Variants in SLC16A10 observed in about 807,000 individuals in gnomAD.
SLC16A10 encodes the protein monocarboxylate transporter 10.
Under a neutral mutation model 40.0 loss-of-function variants are expected in SLC16A10, and 27 were observed. The observed-to-expected ratio is 0.67, with a 90% CI of 0.50 to 0.93. The LOEUF (loss-of-function observed/expected upper bound fraction) is 0.93. Among genes scored for constraint, SLC16A10 ranks in the 40% least tolerant of loss-of-function variants. The pLI, the probability that SLC16A10 is intolerant of heterozygous loss-of-function variation, is 0.00. For synonymous variants in SLC16A10, 213 were observed against 249.8 expected (o/e 0.85, Z 1.39); for missense variants, 529 against 658.2 (o/e 0.80, Z 2.15).
chr6:111,128,984 ATTTTT>A (rs1771734629), intron 1 of SLC16A10, among the ~76,000 whole-genome samples: 1 of 127,558 alleles, frequency 7.8e-6, no homozygotes, highest in Non-Finnish European at 1.9e-5. Flanking sequence ...ATTTTTTCAT[ATTTTT>A]CATATTTCAT....
intron 3 of SLC16A10, among the ~76,000 whole-genome samples, chr6:111,179,894 GT>G (rs1415092060): frequency 6.6e-6 from 1 of 152,216 alleles, no homozygotes; most frequent in Non-Finnish European, 1.5e-5. Context: ...CTTTGGTTAT[GT>G]ACTGAGTTTG....
intron 4 of SLC16A10, among the ~76,000 whole-genome samples, chr6:111,210,968 A>G (rs1773337344): frequency 6.6e-6 from 1 of 151,402 alleles, no homozygotes; most frequent in Admixed American, 6.6e-5. Context: ...GGTTGCAGTG[A>G]GCCGAGATCG....
At chr6:111,121,196 T>C (rs888509226) in intron 1 of SLC16A10, among the ~76,000 whole-genome samples, 9 of 152,174 alleles carry the variant, frequency 5.9e-5, no homozygotes, top group African/African-American at 1.9e-4. Context: ...TTACTCCCTG[T>C]TGGAGGAATT....
chr6:111,203,221 A>T (rs111454560), intron 3 of SLC16A10, among the ~76,000 whole-genome samples: 2 of 152,194 alleles, frequency 1.3e-5, no homozygotes, highest in African/African-American at 4.8e-5. Context: ...AGCAGCAGTC[A>T]TGGACAGCCT....
chr6:111,227,140 A>G lies in SLC16A10; in HGVS notation c.*4905A>G, dbSNP rs1771014288. On this transcript the variant is annotated 3_prime_UTR_variant, in exon 6 of 6. Coordinates refer to ENST00000368851, the MANE Select transcript of SLC16A10 (RefSeq NM_018593.5). ...GACCTTGTCTACAAAAAGGAAAAAA[A>G]AATTTGTTCTGCTCTACTATACATG... The G allele has an allele frequency of 6.6e-6, 1 of 152,266 alleles. No individual in the cohort carries two copies. Among genetic ancestry groups the G allele is most frequent in the Non-Finnish European group, 1.5e-5 (1 of 68,078 alleles). The allele number at this position is 152,266 out of a possible 1,614,324, so 9.4% of individuals were successfully genotyped here.
chr6:111,146,676 G>T (rs1772084360), intron 1 of SLC16A10, among the ~76,000 whole-genome samples: 1 of 152,028 alleles, frequency 6.6e-6, no homozygotes, highest in Non-Finnish European at 1.5e-5. Flanking sequence ...GGCGGGGCTT[G>T]CAGTGAGCCG....
intron 1 of SLC16A10, among the ~76,000 whole-genome samples, chr6:111,119,153 T>C (rs1771540613): frequency 6.6e-6 from 1 of 152,228 alleles, no homozygotes; most frequent in African/African-American, 2.4e-5. Context: ...CCTCAGATCC[T>C]ATTTGGAGGT....
At chr6:111,145,367 C>T (rs539235742) in intron 1 of SLC16A10, among the ~76,000 whole-genome samples, 1 of 152,242 alleles carries the variant, frequency 6.6e-6, no homozygotes, top group South Asian at 2.1e-4. Flanking sequence ...CATCACTGCA[C>T]TCCAGCTTAG....
chr6:111,224,287 G>C lies in SLC16A10; in HGVS notation c.*2052G>C, dbSNP rs1770952251. On this transcript the variant is annotated 3_prime_UTR_variant, in exon 6 of 6. Coordinates refer to ENST00000368851, the MANE Select transcript of SLC16A10 (RefSeq NM_018593.5). ...ATGTTAAATTTTGTTTTAAGTTTTA[G>C]CACAGACTCCCCTCAAAACACCTTC... 6.6e-6 allele frequency: 1 copy of C among 152,160 alleles called. No individual in the cohort carries two copies. Among genetic ancestry groups the C allele is most frequent in the Non-Finnish European group, 1.5e-5 (1 of 68,032 alleles). The allele number at this position is 152,160 out of a possible 1,614,324, so 9.4% of individuals were successfully genotyped here.
At chr6:111,147,485 C>T (rs1035298875) in intron 1 of SLC16A10, among the ~76,000 whole-genome samples, 5 of 152,110 alleles carry the variant, frequency 3.3e-5, no homozygotes, top group African/African-American at 7.2e-5. Context: ...AAAATGTTTT[C>T]GTGTACGGTG....
chr6:111,129,222 C>A (rs1340375372), intron 1 of SLC16A10, among the ~76,000 whole-genome samples: 4 of 152,130 alleles, frequency 2.6e-5, no homozygotes, highest in Non-Finnish European at 4.4e-5. Context: ...TGTATTTGGA[C>A]CTTGGAGCAG....
chr6:111,227,469 TGA>T lies in SLC16A10; in HGVS notation c.*5237_*5238del, dbSNP rs1771022669. 6.6e-6 allele frequency: 1 copy of T among 152,182 alleles called. No individual in the cohort carries two copies. Among genetic ancestry groups the T allele is most frequent in the African/African-American group, 2.4e-5 (1 of 41,450 alleles). The allele number at this position is 152,182 out of a possible 1,614,324, so 9.4% of individuals were successfully genotyped here. On this transcript the variant is annotated 3_prime_UTR_variant, in exon 6 of 6. Transcript: ENST00000368851. ...GTGCATTTTATCAGATGACTCCTCC[TGA>T]GACAGTAAAGACTCCTGGAAAATTC...
intron 1 of SLC16A10, among the ~76,000 whole-genome samples, chr6:111,132,853 ACT>A (rs1478114306): frequency 6.6e-6 from 1 of 152,084 alleles, no homozygotes; most frequent in East Asian, 1.9e-4. Flanking sequence ...TGATAGGGAA[ACT>A]CTTGTAGAAG....
intron 1 of SLC16A10, among the ~76,000 whole-genome samples, chr6:111,172,490 A>G (rs1772603461): frequency 6.6e-6 from 1 of 152,238 alleles, no homozygotes; most frequent in Admixed American, 6.5e-5. Context: ...ATGATTATAA[A>G]ATAAATACCC....
chr6:111,201,369 C>T (rs1406334615), intron 3 of SLC16A10, among the ~76,000 whole-genome samples: 3 of 152,184 alleles, frequency 2.0e-5, no homozygotes, highest in Non-Finnish European at 4.4e-5. Context: ...GTCCCACAGT[C>T]TCTACTCCTC....
At chr6:111,155,754 T>C (rs552916728) in intron 1 of SLC16A10, among the ~76,000 whole-genome samples, 2 of 152,190 alleles carry the variant, frequency 1.3e-5, no homozygotes, top group Non-Finnish European at 2.9e-5. Context: ...ATACAGATGG[T>C]TACATGTGGA....
intron 1 of SLC16A10, among the ~76,000 whole-genome samples, chr6:111,163,340 G>C (rs1019103720): frequency 2.6e-5 from 4 of 151,126 alleles, no homozygotes; most frequent in African/African-American, 9.7e-5. Flanking sequence ...TTTTAGTAGA[G>C]ACGGGGTTTC....
intron 1 of SLC16A10, among the ~76,000 whole-genome samples, chr6:111,094,728 TC>T: frequency 6.6e-6 from 1 of 152,172 alleles, no homozygotes; most frequent in East Asian, 1.9e-4. Context: ...GCCTCAAACT[TC>T]TAAGCTCAAG....
intron 1 of SLC16A10, among the ~76,000 whole-genome samples, chr6:111,160,728 C>T (rs1772355094): frequency 6.6e-6 from 1 of 152,190 alleles, no homozygotes; most frequent in Non-Finnish European, 1.5e-5. Context: ...GAACAACTCT[C>T]AGCATTAAGG....
Sources: gnomAD v4.1 joint callset for allele counts (sites outside exome capture counted in the v4.1 genomes callset) on GRCh38, gnomAD v4.1.1 for gene constraint, MANE v1.5 for transcripts, NCBI Gene and HGNC (gene_info 2026-07-23, HGNC 2026-07-21) for gene names.